The following ATOSA variants were observed in gnomAD, a reference collection of about 807,000 sequenced individuals.
ATOSA encodes atos homolog A, also known as atos homolog protein A.
At chr15:52,693,651 T>C in the ATOSA span, among the ~76,000 whole-genome samples, 2 of 152,216 alleles carry the variant, frequency 1.3e-5, no homozygotes, top group Admixed American at 6.5e-5. Flanking sequence ...AAAGAAGATC[T>C]AAATAAATTG....
At chr15:52,632,810 A>G in the ATOSA span, among the ~76,000 whole-genome samples, 4 of 152,338 alleles carry the variant, frequency 2.6e-5, no homozygotes, top group East Asian at 7.7e-4. Flanking sequence ...AATGTATTTT[A>G]TTCAAGGAAT....
the ATOSA span, among the ~76,000 whole-genome samples, chr15:52,628,482 G>A: frequency 1.3e-5 from 2 of 152,058 alleles, no homozygotes; most frequent in Non-Finnish European, 2.9e-5. Flanking sequence ...GTAATAAAAT[G>A]GGTACTAATA....
chr15:52,601,254 A>C, the ATOSA span: 1 of 793,402 alleles, frequency 1.3e-6, no homozygotes, highest in Non-Finnish European at 2.0e-6. Flanking sequence ...ATGAAATTTA[A>C]GCATATCTTT....
chr15:52,583,782 T>C, the ATOSA span, among the ~76,000 whole-genome samples: 2 of 152,222 alleles, frequency 1.3e-5, no homozygotes, highest in Non-Finnish European at 2.9e-5. Context: ...TTACATCAGG[T>C]AGTGTCAGAT....
the ATOSA span, among the ~76,000 whole-genome samples, chr15:52,686,725 A>C: frequency 4.6e-5 from 7 of 152,206 alleles, no homozygotes; most frequent in African/African-American, 1.7e-4. Context: ...TTGCATTTTC[A>C]GATGGGGTCT....
At chr15:52,690,240 G>A in the ATOSA span, among the ~76,000 whole-genome samples, 1 of 152,188 alleles carries the variant, frequency 6.6e-6, no homozygotes, top group African/African-American at 2.4e-5. Flanking sequence ...AACCTACTAT[G>A]TGCCAGACAT....
chr15:52,645,326 C>G, the ATOSA span, among the ~76,000 whole-genome samples: 4 of 152,138 alleles, frequency 2.6e-5, no homozygotes, highest in Non-Finnish European at 5.9e-5. Flanking sequence ...GTAATCCCAG[C>G]TACTTGGGAG....
At chr15:52,687,446 C>T in the ATOSA span, among the ~76,000 whole-genome samples, 1 of 152,206 alleles carries the variant, frequency 6.6e-6, no homozygotes, top group South Asian at 2.1e-4. Flanking sequence ...GGTTTGATAA[C>T]AGCAAAAATA....
the ATOSA span, among the ~76,000 whole-genome samples, chr15:52,616,104 C>T: frequency 2.0e-5 from 3 of 152,184 alleles, no homozygotes; most frequent in Non-Finnish European, 4.4e-5. Flanking sequence ...GTAGACACAA[C>T]AACCAAATAC....
chr15:52,704,831 G>A, the ATOSA span, among the ~76,000 whole-genome samples: 4 of 152,118 alleles, frequency 2.6e-5, no homozygotes, highest in Non-Finnish European at 5.9e-5. Context: ...TTAGAATGGC[G>A]ATCATTAAAA....
At chr15:52,661,852 A>G in the ATOSA span, among the ~76,000 whole-genome samples, 1 of 151,000 alleles carries the variant, frequency 6.6e-6, no homozygotes, top group East Asian at 2.0e-4. Context: ...TTAGTATGCC[A>G]ACTTAAGAAG....
chr15:52,602,962 G>C, the ATOSA span, among the ~76,000 whole-genome samples: 1 of 152,096 alleles, frequency 6.6e-6, no homozygotes, highest in African/African-American at 2.4e-5. Context: ...TTATGCATTT[G>C]GAAGTTATAC....
the ATOSA span, chr15:52,600,238 A>G: frequency 6.4e-7 from 1 of 1,574,436 alleles, no homozygotes; most frequent in East Asian, 2.3e-5. Flanking sequence ...GTCGAGGACT[A>G]TTAGAAAAAC....
chr15:52,707,003 ACT>A, the ATOSA span, among the ~76,000 whole-genome samples: 1 of 152,168 alleles, frequency 6.6e-6, no homozygotes, highest in Non-Finnish European at 1.5e-5. Flanking sequence ...ACTAAAAACC[ACT>A]GAGTTGCACA....
the ATOSA span, among the ~76,000 whole-genome samples, chr15:52,584,066 CAG>C: frequency 1.7e-5 from 2 of 114,292 alleles, no homozygotes; most frequent in Middle Eastern, 9.1e-3. Flanking sequence ...TCCTGATGAA[CAG>C]AGTGAGACTC....
At chr15:52,698,019 C>T in the ATOSA span, among the ~76,000 whole-genome samples, 1 of 120,980 alleles carries the variant, frequency 8.3e-6, no homozygotes, top group African/African-American at 3.1e-5. Context: ...CTGTGTCACC[C>T]AGGCTGAAGT....
chr15:52,669,200 C>T, the ATOSA span, among the ~76,000 whole-genome samples: 3 of 152,036 alleles, frequency 2.0e-5, no homozygotes, highest in African/African-American at 4.8e-5. Flanking sequence ...GGATTACAGG[C>T]GTGAGCCACC....
At chr15:52,609,965 T>C in the ATOSA span, 1 of 1,613,232 alleles carries the variant, frequency 6.2e-7, no homozygotes, top group Non-Finnish European at 8.5e-7. Context: ...AAGCCTAGAA[T>C]ATTGGCTTGA....
chr15:52,630,890 T>C, the ATOSA span, among the ~76,000 whole-genome samples: 1 of 152,184 alleles, frequency 6.6e-6, no homozygotes, highest in Non-Finnish European at 1.5e-5. Flanking sequence ...TGTAGAACAC[T>C]ATAGGATGAT....
Sources: allele counts gnomAD v4.1 joint callset (sites outside exome capture counted in the v4.1 genomes callset), GRCh38; gene constraint gnomAD v4.1.1; transcripts MANE v1.5; gene names NCBI Gene and HGNC (gene_info 2026-07-23, HGNC 2026-07-21).